The following SMTN variants were observed in gnomAD, a reference collection of about 807,000 sequenced individuals.
SMTN encodes the protein smoothelin.
In SMTN, 58 loss-of-function variants were observed where a neutral mutation model predicts 102.0. That is an observed-to-expected ratio of 0.57 (90% CI 0.46 to 0.71). The LOEUF (loss-of-function observed/expected upper bound fraction) is 0.71, where lower values mean the gene tolerates loss of function less well. Ranked by LOEUF, SMTN falls within the 30% of genes least tolerant of loss-of-function variation. The pLI is 0.00. For synonymous variants in SMTN, 478 were observed against 497.9 expected (o/e 0.96, Z 0.53); for missense variants, 1,185 against 1,241.7 (o/e 0.95, Z 0.69).
In SMTN at chr22:31,090,173, G is replaced by A. The variant is rs2043012699; in HGVS notation, c.858G>A (p.Lys286=). Residue 286 remains lysine, a synonymous_variant, in exon 8 of 21, where the codon AAG becomes AAA. Coordinates refer to ENST00000333137, the MANE Select transcript of SMTN (RefSeq NM_134269.3). The part of the protein sequence containing the change: ...QSPTRGPSDT[K]RADVAGPRPC... ...CCACCAGAGGCCCCTCTGACACCAAGAGAGCAGGTGAGGGTCCCAGCAGGG... is the reference window on the plus strand; with the variant it reads ...CCACCAGAGGCCCCTCTGACACCAAAAGAGCAGGTGAGGGTCCCAGCAGGG... The A allele has an allele frequency of 1.2e-6, 2 of 1,610,540 alleles. No homozygotes were observed. The highest frequency in any genetic ancestry group is 8.5e-7 in the Non-Finnish European group (1 of 1,178,476).
rs1334188083 is a variant in SMTN at position 31,095,815 on chromosome 22, G to GTTATTCTCCCCAACC, written c.1861+207_1861+221dup. The GTTATTCTCCCCAACC allele has an allele frequency of 1.0e-5, 6 of 589,984 alleles. No homozygotes were observed. Among genetic ancestry groups the GTTATTCTCCCCAACC allele is most frequent in the Non-Finnish European group, 1.8e-5 (6 of 332,614 alleles). The allele number at this position is 589,984 out of a possible 1,614,324, so 36.5% of individuals were successfully genotyped here. A position where few individuals can be genotyped will look rare whatever the true frequency, so the allele number is the denominator to read the frequency against. On this transcript the variant is annotated intron_variant, in intron 13 of 20. Transcript: ENST00000333137. The surrounding 1 kb of genome is among the most constrained non-coding windows in gnomAD (Gnocchi z 4.1). ...TCCTTCTCTCCCGCTGGTGACCCCA[G>GTTATTCTCCCCAACC]TTATTCTCCCCAACCAGCTTCTCTT... is the stretch of plus-strand genomic sequence containing the variant.
At chr22:31,085,370 T>C (rs1452846448) in intron 2 of SMTN, 2 of 1,289,418 alleles carry the variant, frequency 1.6e-6, no homozygotes, top group East Asian at 5.3e-5. Context: ...CTGGCGAGGC[T>C]TCCCTCCACC....
chr22:31,091,388 C>T lies in SMTN; in HGVS notation c.1365C>T (p.Gly455=). Reference sequence around the variant, plus strand: ...CCGTCGGCACTGCCGAGCCAGGGGGCAGTATGAAGACCACATTCACCATCG... The same window carrying T: ...CCGTCGGCACTGCCGAGCCAGGGGGTAGTATGAAGACCACATTCACCATCG... ...PVAVGTAEPG[G]SMKTTFTIEI... is the part of the protein sequence containing the mutation. The change falls in exon 10 of 21, where the codon GGC becomes GGT. Residue 455 remains glycine, a synonymous_variant. Coordinates refer to ENST00000333137, the MANE Select transcript of SMTN (RefSeq NM_134269.3). The T allele has an allele frequency of 1.9e-6, 3 of 1,597,242 alleles. No homozygotes were observed. Among genetic ancestry groups the T allele is most frequent in the Non-Finnish European group, 2.6e-6 (3 of 1,175,288 alleles).
upstream of SMTN, among the ~76,000 whole-genome samples, chr22:31,078,484 G>C (rs1352801401): frequency 6.6e-6 from 1 of 152,212 alleles, no homozygotes; most frequent in African/African-American, 2.4e-5. Flanking sequence ...AAGCAGACCA[G>C]TCTAATCACC....
chr22:31,098,910 G>A, intron 17 of SMTN, 70 bp downstream of exon 17: 2 of 1,555,308 alleles, frequency 1.3e-6, no homozygotes, highest in Non-Finnish European at 1.7e-6. Context: ...GGGCTTGATA[G>A]TTGGCCCGGC....
chr22:31,092,812 G>T (rs936024488), intron 11 of SMTN, among the ~76,000 whole-genome samples: 1 of 152,212 alleles, frequency 6.6e-6, no homozygotes, highest in Non-Finnish European at 1.5e-5. Context: ...AACCAAAGGG[G>T]ACAGGTGATG....
chr22:31,082,956 G>T, intron 1 of SMTN: 3 of 1,493,946 alleles, frequency 2.0e-6, no homozygotes, highest in South Asian at 2.4e-5. Flanking sequence ...GCAGACTGGC[G>T]GCCAAGCTGG....
intron 1 of SMTN, among the ~76,000 whole-genome samples, chr22:31,073,310 C>T (rs142349492): frequency 7.2e-5 from 11 of 152,288 alleles, no homozygotes; most frequent in African/African-American, 2.4e-4. Flanking sequence ...AGGAATGTAA[C>T]GGAAGCAATG....
chr22:31,082,909 G>A, intron 1 of SMTN: 1 of 1,548,280 alleles, frequency 6.5e-7, no homozygotes, highest in South Asian at 1.2e-5. Context: ...CCTGTTTTGA[G>A]GTTTAGACAG....
chr22:31,082,377 C>G, intron 1 of SMTN: 1 of 392,276 alleles, frequency 2.5e-6, no homozygotes, highest in Non-Finnish European at 5.3e-6. Context: ...GAGAGTGTTC[C>G]AGGCCCTTGA....
intron 18 of SMTN, 114 bp from the exon 19 acceptor site, chr22:31,099,631 C>T: frequency 8.9e-7 from 1 of 1,120,366 alleles, no homozygotes; most frequent in Non-Finnish European, 1.3e-6. Context: ...ATTGTGCAAG[C>T]TACGGGGCCT....
intron 1 of SMTN, among the ~76,000 whole-genome samples, chr22:31,075,636 G>A (rs1289699006): frequency 2.0e-5 from 3 of 150,810 alleles, no homozygotes; most frequent in African/African-American, 7.3e-5. Flanking sequence ...AGCCAAGATT[G>A]CGCCACTGCA....
At chr22:31,091,631 C>T (rs1278451366) in intron 10 of SMTN, 44 bp from the exon 11 acceptor site, 2 of 1,551,890 alleles carry the variant, frequency 1.3e-6, no homozygotes, top group Non-Finnish European at 1.7e-6. Context: ...GCACTGCCCT[C>T]ACTCCACCTG....
At chr22:31,099,209 G>A in intron 18 of SMTN, 30 bp downstream of exon 18, 1 of 1,475,652 alleles carries the variant, frequency 6.8e-7, no homozygotes, top group Non-Finnish European at 9.4e-7. Flanking sequence ...GGGGCCTGGA[G>A]GCCTCCCCAG....
chr22:31,099,256 A>G (rs930528315), intron 18 of SMTN, 77 bp downstream of exon 18: 3 of 910,428 alleles, frequency 3.3e-6, no homozygotes, highest in East Asian at 2.5e-5. Flanking sequence ...CAGAGCTCCT[A>G]TTACCCAGTA....
At chr22:31,093,701 T>A (rs774434148) in intron 11 of SMTN, 1 of 1,020,614 alleles carries the variant, frequency 9.8e-7, no homozygotes, top group Admixed American at 1.8e-5. Flanking sequence ...CGGCTGGGGG[T>A]CCCACTTGTG....
chr22:31,098,884 T>G, intron 17 of SMTN, 44 bp downstream of exon 17: 2 of 1,360,814 alleles, frequency 1.5e-6, no homozygotes, highest in Non-Finnish European at 2.0e-6. Context: ...CGGGGCGTGA[T>G]AGGCAGTGGG....
intron 8 of SMTN, among the ~76,000 whole-genome samples, 171 bp downstream of exon 8, chr22:31,090,351 G>A (rs1313225110): frequency 8.7e-6 from 1 of 115,110 alleles, no homozygotes; most frequent in Non-Finnish European, 1.8e-5. Flanking sequence ...AGCTAGGCCA[G>A]CCTCCCCCTC....
chr22:31,077,286 G>T (rs553454720), upstream of SMTN, among the ~76,000 whole-genome samples: 1 of 152,026 alleles, frequency 6.6e-6, no homozygotes, highest in South Asian at 2.1e-4. Flanking sequence ...GCACGTGTCT[G>T]TAGTCCCACT....
Sources: allele counts gnomAD v4.1 joint callset (sites outside exome capture counted in the v4.1 genomes callset), GRCh38; gene constraint gnomAD v4.1.1; non-coding constraint Gnocchi (gnomAD v3.1); transcripts MANE v1.5; gene names NCBI Gene and HGNC (gene_info 2026-07-23, HGNC 2026-07-21).